AEBP2: variants seen among roughly 807,000 people sequenced by gnomAD.
AEBP2 encodes the protein AE binding protein 2.
In AEBP2, 10 loss-of-function variants were observed where a neutral mutation model predicts 50.8. That is an observed-to-expected ratio of 0.20 (90% CI 0.12 to 0.33). AEBP2 has a LOEUF of 0.33. Ranked by LOEUF, AEBP2 falls within the 10% of genes least tolerant of loss-of-function variation. The probability of loss-of-function intolerance (pLI) is 1.00; values close to 1 mark genes in which losing one functional copy is unlikely to be tolerated. For missense variants in AEBP2, 570 were observed against 688.0 expected, an observed-to-expected ratio of 0.83 and a Z score of 1.92; for synonymous variants, 296 against 261.3, an observed-to-expected ratio of 1.13 and a Z score of -1.28.
Position 19,519,151 on chromosome 12 carries a change from T to G in AEBP2, c.*1034T>G, listed in dbSNP as rs1949363934. 6.5e-6 allele frequency: 1 copy of G among 152,728 alleles called. No homozygotes were observed. Among genetic ancestry groups the G allele is most frequent in the Non-Finnish European group, 1.5e-5 (1 of 68,136 alleles). The allele number at this position is 152,728 out of a possible 1,614,324, so 9.5% of individuals were successfully genotyped here. ...TTACAGAAATGGAAATATGTGTAACTTGTTAGTATTGTATTAAACAAATGT... is the reference window on the plus strand; with the variant it reads ...TTACAGAAATGGAAATATGTGTAACGTGTTAGTATTGTATTAAACAAATGT... On this transcript the variant is annotated 3_prime_UTR_variant, in exon 8 of 8. Coordinates refer to ENST00000266508, the MANE Select transcript of AEBP2 (RefSeq NM_153207.5).
At chr12:19,513,623 T>C (rs1458430348) in intron 6 of AEBP2, among the ~76,000 whole-genome samples, 1 of 151,918 alleles carries the variant, frequency 6.6e-6, no homozygotes, top group African/African-American at 2.4e-5. Flanking sequence ...AATTAGCTGG[T>C]TGTGATGGTG....
intron 1 of AEBP2, among the ~76,000 whole-genome samples, chr12:19,415,604 A>T (rs1790480941): frequency 6.6e-6 from 1 of 151,374 alleles, no homozygotes; most frequent in East Asian, 1.9e-4. Context: ...AATATATCTG[A>T]TTACCTAAAA....
intron 2 of AEBP2, among the ~76,000 whole-genome samples, chr12:19,469,549 G>A (rs1592744505): frequency 6.6e-6 from 1 of 152,118 alleles, no homozygotes; most frequent in East Asian, 1.9e-4. Context: ...CAAACTCCTG[G>A]ACTCAAGCAA....
Position 19,473,315 on chromosome 12 carries a change from A to G in AEBP2, c.947A>G (p.Gln316Arg). 1 of 1,551,778 alleles carries G rather than the reference A, an allele frequency of 6.4e-7. No individual in the cohort carries two copies. The highest frequency in any genetic ancestry group is 8.7e-7 in the Non-Finnish European group (1 of 1,148,280). Residue 316 changes from glutamine (Q) to arginine (R), a missense_variant, in exon 3 of 8, where the codon CAA becomes CGA. Physicochemically the swap from Gln to Arg is conservative, Grantham distance 43. This residue lies in a region of AEBP2 where 184 missense variants were observed against 351.2 expected (regional missense o/e 0.52). Transcript: ENST00000266508. ...NTPSTSQSWL[Q>R]RHMLTHSGDK... Reference sequence around the variant, plus strand: ...CCATCTACCAGTCAAAGTTGGTTACAAAGGCATATGCTGACACACAGTGGA... The same window carrying G: ...CCATCTACCAGTCAAAGTTGGTTACGAAGGCATATGCTGACACACAGTGGA...
intron 1 of AEBP2, chr12:19,413,072 T>C: frequency 5.4e-6 from 3 of 557,022 alleles, no homozygotes; most frequent in South Asian, 5.3e-5. Context: ...AAGCACAGTC[T>C]CAGCTTTTGG....
chr12:19,455,200 C>A (rs1948245893), intron 1 of AEBP2, among the ~76,000 whole-genome samples: 1 of 151,832 alleles, frequency 6.6e-6, no homozygotes. Flanking sequence ...GCTATGTTGC[C>A]CAGGTTGCTC....
At chr12:19,505,601 T>C (rs1434904815) in intron 5 of AEBP2, among the ~76,000 whole-genome samples, 3 of 152,018 alleles carry the variant, frequency 2.0e-5, no homozygotes, top group Non-Finnish European at 4.4e-5. Context: ...CAACAGTGAG[T>C]AGGCAGAGTA....
intron 1 of AEBP2, among the ~76,000 whole-genome samples, chr12:19,441,095 A>G (rs993371328): frequency 6.6e-6 from 1 of 152,246 alleles, no homozygotes; most frequent in Non-Finnish European, 1.5e-5. Context: ...GTAACAAAAT[A>G]CAGTCTTGAA....
Position 19,520,027 on chromosome 12 carries a change from T to A in AEBP2, c.*1910T>A, listed in dbSNP as rs1949375685. ...TTCATCAATTGCTTTATTCTGTATCTGCGAAGTAATCTGCAATCTCTTTTG... is the reference window on the plus strand; with the variant it reads ...TTCATCAATTGCTTTATTCTGTATCAGCGAAGTAATCTGCAATCTCTTTTG... On this transcript the variant is annotated 3_prime_UTR_variant, in exon 8 of 8. Transcript: ENST00000266508. 6.6e-6 allele frequency: 1 copy of A among 152,632 alleles called. No individual in the cohort carries two copies. The allele number at this position is 152,632 out of a possible 1,614,324, so 9.5% of individuals were successfully genotyped here. A position where few individuals can be genotyped will look rare whatever the true frequency, so the allele number is the denominator to read the frequency against.
At chr12:19,480,393 C>G (rs1483003775) in intron 3 of AEBP2, among the ~76,000 whole-genome samples, 2 of 152,226 alleles carry the variant, frequency 1.3e-5, no homozygotes, top group Non-Finnish European at 2.9e-5. Context: ...GCATGGGCCA[C>G]TGCGCCCTGC....
intron 5 of AEBP2, among the ~76,000 whole-genome samples, chr12:19,504,829 C>T (rs1355732061): frequency 6.6e-6 from 1 of 152,082 alleles, no homozygotes; most frequent in Non-Finnish European, 1.5e-5. Context: ...TCAGTACATT[C>T]CACTCAAGTT....
upstream of AEBP2, among the ~76,000 whole-genome samples, chr12:19,436,649 T>C (rs1273377279): frequency 6.6e-6 from 1 of 151,594 alleles, no homozygotes; most frequent in Non-Finnish European, 1.5e-5. Flanking sequence ...GCAATGGCTC[T>C]TGATCACTCA....
chr12:19,483,010 C>A (rs544744100), intron 3 of AEBP2, among the ~76,000 whole-genome samples: 7 of 152,184 alleles, frequency 4.6e-5, no homozygotes, highest in Non-Finnish European at 1.0e-4. Context: ...CTCGCCCCTC[C>A]CCGTCTGCCT....
intron 1 of AEBP2, among the ~76,000 whole-genome samples, chr12:19,433,031 G>C (rs938704455): frequency 4.6e-5 from 7 of 152,016 alleles, no homozygotes; most frequent in Non-Finnish European, 1.0e-4. Context: ...CGTTCACCAA[G>C]CTGGAAAAAA....
In AEBP2 at chr12:19,439,539, T is replaced by A; in HGVS notation, c.-161T>A. Reference sequence around the variant, plus strand: ...GTCGCGCGCCTGTCCCCGCGCGGGCTCCGTAGCGCGTGTGCAGGCTGACGC... The same window carrying A: ...GTCGCGCGCCTGTCCCCGCGCGGGCACCGTAGCGCGTGTGCAGGCTGACGC... On this transcript the variant is annotated 5_prime_UTR_variant, in exon 1 of 8. Transcript: ENST00000266508. 1.1e-6 allele frequency: 1 copy of A among 947,284 alleles called. No homozygotes were observed. The highest frequency in any genetic ancestry group is 3.5e-5 in the Admixed American group (1 of 28,838). The allele number at this position is 947,284 out of a possible 1,614,324, so 58.7% of individuals were successfully genotyped here. A position where few individuals can be genotyped will look rare whatever the true frequency, so the allele number is the denominator to read the frequency against.
At chr12:19,467,186 G>A (rs1361263063) in intron 2 of AEBP2, among the ~76,000 whole-genome samples, 1 of 151,680 alleles carries the variant, frequency 6.6e-6, no homozygotes, top group East Asian at 1.9e-4. Flanking sequence ...GATTACAGGT[G>A]TGAGCCACCA....
At chr12:19,404,987 T>G (rs2095735442) in intron 1 of AEBP2, among the ~76,000 whole-genome samples, 1 of 135,336 alleles carries the variant, frequency 7.4e-6, no homozygotes, top group Admixed American at 8.7e-5. Flanking sequence ...CAGGCTGGAG[T>G]GCAGTGGCGA....
At chr12:19,482,946 T>G (rs61912787) in intron 3 of AEBP2, among the ~76,000 whole-genome samples, 9,621 of 152,182 alleles carry the variant, frequency 0.063, 427 homozygotes, top group South Asian at 0.2. Flanking sequence ...TCCCTTGGTG[T>G]ACTGCTCAGA....
At chr12:19,503,120 C>G (rs1482544246) in intron 5 of AEBP2, among the ~76,000 whole-genome samples, 2 of 152,048 alleles carry the variant, frequency 1.3e-5, no homozygotes, top group African/African-American at 4.8e-5. Flanking sequence ...TTTTGTAATT[C>G]TGTGAAAAAA....
Sources: gnomAD v4.1 joint callset for allele counts (sites outside exome capture counted in the v4.1 genomes callset) on GRCh38, gnomAD v4.1.1 for gene constraint, gnomAD v4.1.1 regional missense constraint, MANE v1.5 for transcripts, NCBI Gene and HGNC (gene_info 2026-07-23, HGNC 2026-07-21) for gene names.